LARGE1: variants seen among roughly 807,000 people sequenced by gnomAD.
LARGE1 encodes the protein LARGE xylosyl- and glucuronyltransferase 1, also known as xylosyl- and glucuronyltransferase LARGE1.
LARGE1 carries 43 observed loss-of-function variants against 87.6 expected under a neutral mutation model. That is an observed-to-expected ratio of 0.49 (90% confidence interval 0.38 to 0.63). LARGE1 has a LOEUF of 0.63. Among genes scored for constraint, LARGE1 ranks in the 30% least tolerant of loss-of-function variants. LARGE1 has a pLI of 0.00. For missense variants in LARGE1, 802 were observed against 1,000.2 expected (o/e 0.80, Z 2.67); for synonymous variants, 434 against 394.6 (o/e 1.10, Z -1.18).
At chr22:33,902,416 G>A (rs2065308837) in intron 1 of LARGE1, among the ~76,000 whole-genome samples, 1 of 152,192 alleles carries the variant, frequency 6.6e-6, no homozygotes, top group South Asian at 2.1e-4. Context: ...GAGTATCGCA[G>A]AGAAGCTGTC....
chr22:33,818,057 G>A (rs903028113), intron 1 of LARGE1, among the ~76,000 whole-genome samples: 2 of 152,064 alleles, frequency 1.3e-5, no homozygotes, highest in Admixed American at 6.6e-5. Context: ...ATTTAACCTT[G>A]GACAGGTTCT....
intron 9 of LARGE1, among the ~76,000 whole-genome samples, chr22:33,361,046 C>T (rs1480083869): frequency 2.0e-5 from 3 of 148,834 alleles, no homozygotes; most frequent in African/African-American, 4.9e-5. Flanking sequence ...GAAACCCAGT[C>T]TCTACTAAAA....
the LARGE1 span, among the ~76,000 whole-genome samples, chr22:33,094,082 T>G: frequency 2.0e-5 from 3 of 152,122 alleles, no homozygotes; most frequent in African/African-American, 4.8e-5. Flanking sequence ...GCCTTCCTAT[T>G]TTAGTTCAAA....
chr22:33,545,419 AACACACACACAC>A (rs55754949), intron 6 of LARGE1, among the ~76,000 whole-genome samples: 4 of 143,920 alleles, frequency 2.8e-5, no homozygotes, highest in African/African-American at 1.1e-4. Context: ...ACACCCAGCT[AACACACACACAC>A]ACACACACAC....
chr22:33,111,186 G>C, the LARGE1 span, among the ~76,000 whole-genome samples: 1 of 152,098 alleles, frequency 6.6e-6, no homozygotes, highest in Non-Finnish European at 1.5e-5. Context: ...GTGAGGGCTG[G>C]GTTGAGGAGA....
At chr22:33,092,059 C>A in the LARGE1 span, among the ~76,000 whole-genome samples, 3 of 151,976 alleles carry the variant, frequency 2.0e-5, no homozygotes, top group Admixed American at 6.6e-5. Flanking sequence ...ACCACTACAC[C>A]CAGCTAATTT....
chr22:33,488,931 G>A (rs1255058754), intron 6 of LARGE1, among the ~76,000 whole-genome samples: 1 of 152,124 alleles, frequency 6.6e-6, no homozygotes, highest in Non-Finnish European at 1.5e-5. Context: ...TCCTTTCCCT[G>A]GAGTACCTAT....
At chr22:33,386,917 C>T (rs1018018380) in intron 7 of LARGE1, among the ~76,000 whole-genome samples, 7 of 147,872 alleles carry the variant, frequency 4.7e-5, no homozygotes, top group Admixed American at 6.7e-5. Flanking sequence ...GCCTGGCCAA[C>T]ATGGTGAAAC....
the LARGE1 span, among the ~76,000 whole-genome samples, chr22:33,089,309 T>TC: frequency 5.7e-4 from 68 of 120,060 alleles, 1 homozygote; most frequent in Non-Finnish European, 4.3e-4. Context: ...TTCCTCTTCT[T>TC]CTTCTTTCTT....
chr22:33,141,577 C>T, the LARGE1 span, among the ~76,000 whole-genome samples: 2 of 151,788 alleles, frequency 1.3e-5, no homozygotes, highest in Non-Finnish European at 2.9e-5. Context: ...ATAATTTTCT[C>T]ATCCAAAGGA....
At chr22:33,265,543 A>G (rs1927889568) in intron 11 of LARGE1, among the ~76,000 whole-genome samples, 1 of 152,110 alleles carries the variant, frequency 6.6e-6, no homozygotes, top group South Asian at 2.1e-4. Flanking sequence ...GCCTGGAGTG[A>G]GCACCCTTCT....
intron 11 of LARGE1, among the ~76,000 whole-genome samples, chr22:33,261,051 A>G (rs1009041101): frequency 1.3e-5 from 2 of 152,192 alleles, no homozygotes; most frequent in African/African-American, 4.8e-5. Flanking sequence ...ACAGCAGTTC[A>G]GTCTCCGGAA....
intron 6 of LARGE1, among the ~76,000 whole-genome samples, chr22:33,493,438 G>T (rs984506799): frequency 6.6e-6 from 1 of 152,124 alleles, no homozygotes; most frequent in Non-Finnish European, 1.5e-5. Context: ...TGGGATTACA[G>T]GTGTGAGCCA....
At chr22:33,547,633 TA>T (rs954628618) in intron 6 of LARGE1, among the ~76,000 whole-genome samples, 34 of 145,966 alleles carry the variant, frequency 2.3e-4, no homozygotes, top group Non-Finnish European at 2.1e-4. Context: ...ATCTCTACTT[TA>T]AAAAAAAAAA....
chr22:33,429,491 G>A (rs145026911), intron 7 of LARGE1, among the ~76,000 whole-genome samples: 1 of 152,266 alleles, frequency 6.6e-6, no homozygotes, highest in African/African-American at 2.4e-5. Flanking sequence ...ATAGGGAAGG[G>A]CAGGAAGAGA....
At chr22:33,610,593 C>T (rs571833928) in intron 4 of LARGE1, among the ~76,000 whole-genome samples, 5 of 152,188 alleles carry the variant, frequency 3.3e-5, no homozygotes, top group African/African-American at 4.8e-5. Context: ...TTGGAAATTT[C>T]GTAGCCTAAC....
the LARGE1 span, among the ~76,000 whole-genome samples, chr22:33,095,527 G>A: frequency 6.6e-6 from 1 of 152,126 alleles, no homozygotes. Flanking sequence ...TACAGGTAGC[G>A]GGAGGGTTAA....
At chr22:33,566,246 C>T (rs2078021953) in intron 5 of LARGE1, among the ~76,000 whole-genome samples, 1 of 152,170 alleles carries the variant, frequency 6.6e-6, no homozygotes, top group Admixed American at 6.5e-5. Flanking sequence ...AAACATGATA[C>T]TCTTGTTTTT....
At position 33,316,143 on chromosome 22, in the gene LARGE1, A is replaced by T; in HGVS notation, c.1393T>A (p.Tyr465Asn). The T allele has an allele frequency of 6.2e-7, 1 of 1,613,788 alleles. No individual in the cohort carries two copies. Among genetic ancestry groups the T allele is most frequent in the South Asian group, 1.1e-5 (1 of 91,056 alleles). The change falls in exon 11 of 15, where the codon TAT (tyrosine) becomes AAT (asparagine). Residue 465 changes from tyrosine (Y) to asparagine (N), a missense_variant. Coordinates refer to ENST00000397394, the MANE Select transcript of LARGE1 (RefSeq NM_133642.5). Reference protein sequence around the residue: ...RTHLYFLHYEYEPAADSTDVT... With the variant: ...RTHLYFLHYENEPAADSTDVT... ...TCCGTGCTGTCTGCTGCAGGCTCAT[A>T]CTCGTAGTGCAGGAAGTACAGGTGG...
Sources: gnomAD v4.1 joint callset for allele counts (sites outside exome capture counted in the v4.1 genomes callset) on GRCh38, gnomAD v4.1.1 for gene constraint, MANE v1.5 for transcripts, NCBI Gene and HGNC (gene_info 2026-07-23, HGNC 2026-07-21) for gene names.